Variants in TMEM116 observed in about 807,000 individuals in gnomAD.
TMEM116 encodes transmembrane protein 116.
TMEM116 carries 38 observed loss-of-function variants against 44.3 expected under a neutral mutation model. The observed-to-expected ratio is 0.86, with a 90% CI of 0.66 to 1.12. The LOEUF (loss-of-function observed/expected upper bound fraction) is 1.12, where lower values mean the gene tolerates loss of function less well. TMEM116 is among the 50% of genes most tolerant of loss of function. The pLI is 0.00. For missense variants in TMEM116, 354 were observed against 401.7 expected, an observed-to-expected ratio of 0.88 and a Z score of 1.01; for synonymous variants, 132 against 144.8, an observed-to-expected ratio of 0.91 and a Z score of 0.64.
At chr12:111,943,644 C>T (rs1048588313) in intron 4 of TMEM116, among the ~76,000 whole-genome samples, 1 of 152,204 alleles carries the variant, frequency 6.6e-6, no homozygotes, top group Admixed American at 6.5e-5. Context: ...AAGCGATTCT[C>T]CTGCCTCAGC....
intron 3 of TMEM116, chr12:111,993,236 C>G (rs2076722692): frequency 7.0e-6 from 3 of 429,688 alleles, no homozygotes; most frequent in South Asian, 6.0e-5. Flanking sequence ...ACACTGCGGT[C>G]ATTCCCCTGG....
intron 4 of TMEM116, among the ~76,000 whole-genome samples, chr12:111,946,412 T>C (rs997588943): frequency 2.0e-5 from 3 of 152,226 alleles, no homozygotes; most frequent in Non-Finnish European, 4.4e-5. Context: ...TAACTAAAAG[T>C]ATTCCTTACA....
intron 1 of TMEM116, chr12:112,010,826 C>T (rs2077805909): frequency 6.6e-6 from 1 of 152,304 alleles, no homozygotes; most frequent in African/African-American, 2.4e-5. Context: ...TTATGGACCT[C>T]CGAGGGGAGG....
intron 4 of TMEM116, among the ~76,000 whole-genome samples, chr12:111,985,703 C>G (rs1455102732): frequency 6.6e-6 from 1 of 151,990 alleles, no homozygotes; most frequent in Non-Finnish European, 1.5e-5. Context: ...TTCTCCCATC[C>G]CAGCCTCCAG....
At chr12:111,957,443 T>C (rs2074214424) in intron 4 of TMEM116, among the ~76,000 whole-genome samples, 1 of 151,384 alleles carries the variant, frequency 6.6e-6, no homozygotes, top group Non-Finnish European at 1.5e-5. Flanking sequence ...AGCCACCCCG[T>C]CTGGGAAGTG....
intron 8 of TMEM116, 197 bp downstream of exon 8, chr12:111,936,495 C>A: frequency 1.9e-6 from 1 of 533,624 alleles, no homozygotes. Flanking sequence ...AAGCTCTTTT[C>A]TCTCTCTTAT....
chr12:111,991,757 C>G lies in TMEM116; in HGVS notation c.210+1G>C. Reference sequence around the variant, plus strand: ...TGCAGTGACAGTCTTGTAGCACTCACCTGTCCAACTGCTTGTAGGTTATAG... The same window carrying G: ...TGCAGTGACAGTCTTGTAGCACTCAGCTGTCCAACTGCTTGTAGGTTATAG... On this transcript the variant is annotated splice_donor_variant, in intron 4 of 10. Coordinates refer to ENST00000552374, the MANE Select transcript of TMEM116 (RefSeq NM_001193531.2). LOFTEE classifies it high-confidence loss of function. 2 of 1,534,514 alleles carry G rather than the reference C, an allele frequency of 1.3e-6. No individual in the cohort carries two copies. Among genetic ancestry groups the G allele is most frequent in the Non-Finnish European group, 1.7e-6 (2 of 1,145,972 alleles).
At chr12:111,935,754 C>A (rs759000449) in intron 8 of TMEM116, 3 of 151,670 alleles carry the variant, frequency 2.0e-5, no homozygotes, top group Non-Finnish European at 4.4e-5. Context: ...GATTCTCATG[C>A]CTCTGCCTCC....
chr12:111,957,970 T>A (rs1047396161), intron 4 of TMEM116, among the ~76,000 whole-genome samples: 2 of 152,176 alleles, frequency 1.3e-5, no homozygotes, highest in African/African-American at 4.8e-5. Context: ...ATCTATAACC[T>A]TACCCCCAAC....
rs1244371433 is a variant in TMEM116 at position 112,005,285 on chromosome 12, A to G, written c.-15T>C. The G allele has an allele frequency of 3.0e-6, 4 of 1,329,974 alleles. No individual in the cohort carries two copies. The East Asian group carries it at 9.3e-5, about 31-fold the overall frequency. The allele number at this position is 1,329,974 out of a possible 1,614,324, so 82.4% of individuals were successfully genotyped here. A position where few individuals can be genotyped will look rare whatever the true frequency, so the allele number is the denominator to read the frequency against. On this transcript the variant is annotated 5_prime_UTR_variant, in exon 2 of 11. Transcript: ENST00000552374. ...AGAGTAGCCATGACAAATTGTATCCACTGTATTGCAGGAAGAACCTAAGCA... is the reference window on the plus strand; with the variant it reads ...AGAGTAGCCATGACAAATTGTATCCGCTGTATTGCAGGAAGAACCTAAGCA...
chr12:111,958,453 C>G (rs904693921), intron 4 of TMEM116, among the ~76,000 whole-genome samples: 5 of 152,066 alleles, frequency 3.3e-5, no homozygotes, highest in African/African-American at 1.2e-4. Context: ...CAAAGGATCA[C>G]AACTCCTTGC....
chr12:111,944,079 A>C (rs1045579537), intron 4 of TMEM116, among the ~76,000 whole-genome samples: 2 of 152,102 alleles, frequency 1.3e-5, no homozygotes, highest in Non-Finnish European at 2.9e-5. Context: ...AGAACTAAAC[A>C]TGCTGAATAA....
chr12:111,980,328 T>C (rs951337279), intron 4 of TMEM116, among the ~76,000 whole-genome samples: 3 of 152,198 alleles, frequency 2.0e-5, no homozygotes, highest in South Asian at 2.1e-4. Context: ...CAAGATTATA[T>C]ACTGTATGAT....
intron 4 of TMEM116, chr12:111,978,859 A>C: frequency 2.6e-6 from 1 of 386,902 alleles, no homozygotes; most frequent in Admixed American, 2.9e-5. Context: ...CTGAACTAAG[A>C]CACCATGCAG....
At chr12:111,941,452 C>T (rs1404603225) in intron 5 of TMEM116, among the ~76,000 whole-genome samples, 1 of 151,530 alleles carries the variant, frequency 6.6e-6, no homozygotes, top group Non-Finnish European at 1.5e-5. Context: ...GAGTATAATC[C>T]TGTGTTGCAC....
intron 4 of TMEM116, among the ~76,000 whole-genome samples, chr12:111,983,952 G>A (rs12298693): frequency 0.017 from 2,554 of 152,074 alleles, 81 homozygotes; most frequent in African/African-American, 0.056. Context: ...AAATTCAACC[G>A]CACATTAAAA....
At chr12:111,940,536 T>G (rs1176530683) in intron 5 of TMEM116, among the ~76,000 whole-genome samples, 1 of 117,994 alleles carries the variant, frequency 8.5e-6, no homozygotes, top group Non-Finnish European at 1.6e-5. Context: ...TATATATATA[T>G]ATATATATAC....
intron 4 of TMEM116, among the ~76,000 whole-genome samples, chr12:111,991,491 T>C (rs777971887): frequency 6.8e-6 from 1 of 146,134 alleles, no homozygotes; most frequent in East Asian, 2.0e-4. Context: ...ACCACTGTAC[T>C]CCAGCCTGGT....
At chr12:111,942,133 T>G (rs1387896224) in intron 5 of TMEM116, among the ~76,000 whole-genome samples, 3 of 151,918 alleles carry the variant, frequency 2.0e-5, no homozygotes, top group Non-Finnish European at 4.4e-5. Context: ...AGACGGGGTT[T>G]CTCCATATTA....
Sources: gnomAD v4.1 joint callset for allele counts (sites outside exome capture counted in the v4.1 genomes callset) on GRCh38, gnomAD v4.1.1 for gene constraint, MANE v1.5 for transcripts, NCBI Gene and HGNC (gene_info 2026-07-23, HGNC 2026-07-21) for gene names.